The following BLTP1 variants were observed in gnomAD, a reference collection of about 807,000 sequenced individuals.
The protein encoded by BLTP1 is fragile site-associated protein.
chr4:122,231,702 C>G, the BLTP1 span: 1 of 973,782 alleles, frequency 1.0e-6, no homozygotes, highest in Non-Finnish European at 1.2e-6. Flanking sequence ...ATATAAAACT[C>G]GAATCCCTCT....
the BLTP1 span, among the ~76,000 whole-genome samples, chr4:122,318,936 T>C: frequency 2.6e-5 from 4 of 152,176 alleles, no homozygotes; most frequent in Admixed American, 1.3e-4. Context: ...TTGGATTGTC[T>C]TTTTCGTCTC....
At chr4:122,189,734 T>TC in the BLTP1 span, 4 of 861,130 alleles carry the variant, frequency 4.6e-6, no homozygotes, top group Non-Finnish European at 5.6e-6. Flanking sequence ...TAAAACCAAA[T>TC]TTTTTTTTCT....
chr4:122,229,291 A>G, the BLTP1 span: 2 of 1,378,650 alleles, frequency 1.5e-6, no homozygotes, highest in Non-Finnish European at 2.0e-6. Flanking sequence ...TACTAAACCA[A>G]ACCTCTATTT....
chr4:122,350,124 T>C, the BLTP1 span: 1 of 1,556,934 alleles, frequency 6.4e-7, no homozygotes, highest in East Asian at 2.3e-5. Flanking sequence ...TCACTAAATA[T>C]GTTACATTTT....
chr4:122,225,202 T>A, the BLTP1 span: 1 of 211,860 alleles, frequency 4.7e-6, no homozygotes, highest in East Asian at 1.8e-4. Flanking sequence ...GGATAATAGT[T>A]TCAAAAAACA....
the BLTP1 span, among the ~76,000 whole-genome samples, chr4:122,228,555 A>G: frequency 1.3e-5 from 2 of 152,166 alleles, no homozygotes; most frequent in African/African-American, 4.8e-5. Context: ...TTTTCATGCT[A>G]TTGGGCCAAT....
chr4:122,287,692 C>T, the BLTP1 span: 1 of 985,136 alleles, frequency 1.0e-6, no homozygotes, highest in Non-Finnish European at 1.2e-6. Context: ...CTGCGGGGGA[C>T]ATATTTAAGT....
At chr4:122,183,305 C>T in the BLTP1 span, 1 of 774,604 alleles carries the variant, frequency 1.3e-6, no homozygotes, top group Non-Finnish European at 1.5e-6. Context: ...CACTGCATGC[C>T]ACACTGGGGG....
chr4:122,250,069 T>C, the BLTP1 span: 4 of 810,296 alleles, frequency 4.9e-6, no homozygotes, highest in African/African-American at 7.5e-5. Flanking sequence ...CTTAGAATTA[T>C]ATTTGCTTTT....
chr4:122,152,624 A>G, the BLTP1 span: 2 of 985,552 alleles, frequency 2.0e-6, no homozygotes, highest in Non-Finnish European at 2.4e-6. Context: ...TGAGGTCGTC[A>G]GCCCCTTTTT....
the BLTP1 span, chr4:122,268,883 G>A: frequency 6.6e-6 from 1 of 152,346 alleles, no homozygotes; most frequent in South Asian, 2.1e-4. Flanking sequence ...AATGATCACA[G>A]TGCTCATCTG....
At chr4:122,229,837 C>G in the BLTP1 span, 39 of 1,421,296 alleles carry the variant, frequency 2.7e-5, no homozygotes, top group East Asian at 3.0e-4. Flanking sequence ...ATGTTTTACT[C>G]TATTTGAAAT....
the BLTP1 span, chr4:122,249,445 T>C: frequency 1.9e-6 from 3 of 1,602,432 alleles, no homozygotes; most frequent in Non-Finnish European, 2.6e-6. Flanking sequence ...TGTAAGCTTA[T>C]GTCTTTAAAA....
At chr4:122,354,823 C>G in the BLTP1 span, among the ~76,000 whole-genome samples, 1 of 151,796 alleles carries the variant, frequency 6.6e-6, no homozygotes, top group African/African-American at 2.4e-5. Context: ...TGCGCCACCA[C>G]GCCCGGCTAA....
At chr4:122,243,137 A>C in the BLTP1 span, 2 of 1,417,702 alleles carry the variant, frequency 1.4e-6, no homozygotes, top group Non-Finnish European at 2.0e-6. Flanking sequence ...TATTCTGAAT[A>C]ATAATCATTC....
chr4:122,343,687 T>TA, the BLTP1 span: 1 of 1,481,602 alleles, frequency 6.7e-7, no homozygotes, highest in South Asian at 1.2e-5. Flanking sequence ...TCATAAATCA[T>TA]AAGGACATAG....
At chr4:122,247,516 C>T in the BLTP1 span, 1 of 1,020,440 alleles carries the variant, frequency 9.8e-7, no homozygotes, top group Non-Finnish European at 1.4e-6. Context: ...TGGTATTTAG[C>T]TACTTGTCAC....
At chr4:122,305,009 G>T in the BLTP1 span, 1 of 1,561,808 alleles carries the variant, frequency 6.4e-7, no homozygotes, top group South Asian at 1.2e-5. Context: ...GTTGATGTTA[G>T]AACGATGGCT....
the BLTP1 span, among the ~76,000 whole-genome samples, chr4:122,320,038 G>A: frequency 6.6e-6 from 1 of 152,074 alleles, no homozygotes; most frequent in Admixed American, 6.6e-5. Context: ...TTTTTTGTGT[G>A]CTAGATATGT....
Sources: gnomAD v4.1 joint callset for allele counts (sites outside exome capture counted in the v4.1 genomes callset) on GRCh38, gnomAD v4.1.1 for gene constraint, MANE v1.5 for transcripts, NCBI Gene and HGNC (gene_info 2026-07-23, HGNC 2026-07-21) for gene names.